Variants in MTRF1 observed in about 807,000 individuals in gnomAD.
The protein encoded by MTRF1 is peptide chain release factor 1, mitochondrial.
In MTRF1, 51 loss-of-function variants were observed where a neutral mutation model predicts 62.9. That is an observed-to-expected ratio of 0.81 (90% confidence interval 0.65 to 1.02). MTRF1 has a LOEUF of 1.02. MTRF1 is among the 50% of genes least tolerant of loss of function. MTRF1 has a pLI of 0.00. For missense variants in MTRF1, 446 were observed against 530.0 expected, an observed-to-expected ratio of 0.84 and a Z score of 1.56; for synonymous variants, 158 against 181.9, an observed-to-expected ratio of 0.87 and a Z score of 1.06.
chr13:41,272,438 G>A, the MTRF1 span, among the ~76,000 whole-genome samples: 305 of 152,304 alleles, frequency 2.0e-3, 2 homozygotes, highest in African/African-American at 7.1e-3. Flanking sequence ...TTTTGCAGCT[G>A]TGAGGAATTT....
At chr13:41,280,075 C>T in the MTRF1 span, among the ~76,000 whole-genome samples, 1 of 152,138 alleles carries the variant, frequency 6.6e-6, no homozygotes. Context: ...GTAGCAGGGA[C>T]TACAGGCGTG....
At chr13:41,232,520 A>C (rs941188360) in intron 7 of MTRF1, among the ~76,000 whole-genome samples, 12 of 152,232 alleles carry the variant, frequency 7.9e-5, no homozygotes, top group Non-Finnish European at 7.3e-5. Context: ...TCAATGTTCT[A>C]AGGGGAAATT....
At chr13:41,284,554 A>G in the MTRF1 span, among the ~76,000 whole-genome samples, 1 of 152,010 alleles carries the variant, frequency 6.6e-6, no homozygotes, top group African/African-American at 2.4e-5. Flanking sequence ...AAAAAAAAAA[A>G]AAAAGGAAAA....
chr13:41,277,947 T>A, the MTRF1 span, among the ~76,000 whole-genome samples: 1 of 152,232 alleles, frequency 6.6e-6, no homozygotes. Flanking sequence ...AGACCAAATG[T>A]ATATTTCACT....
At chr13:41,249,130 TA>T (rs1445429924) in intron 5 of MTRF1, among the ~76,000 whole-genome samples, 17 of 151,886 alleles carry the variant, frequency 1.1e-4, no homozygotes, top group South Asian at 2.1e-4. Flanking sequence ...AATTAAACAT[TA>T]AAAAAAAATT....
chr13:41,301,240 A>G, the MTRF1 span, among the ~76,000 whole-genome samples: 1 of 152,174 alleles, frequency 6.6e-6, no homozygotes, highest in Non-Finnish European at 1.5e-5. Flanking sequence ...AGGGGATAGG[A>G]AACTTTTCCC....
At chr13:41,240,165 A>T in intron 6 of MTRF1, 96 bp downstream of exon 6, 4 of 1,182,422 alleles carry the variant, frequency 3.4e-6, no homozygotes, top group Non-Finnish European at 4.6e-6. Flanking sequence ...TCTGTCTCAA[A>T]AAAAAAAAAA....
chr13:41,229,721 T>C (rs1221221071), intron 7 of MTRF1: 1 of 152,218 alleles, frequency 6.6e-6, no homozygotes, highest in Non-Finnish European at 1.5e-5. Context: ...TATAGAATGA[T>C]ATCCAACAAT....
At chr13:41,289,797 A>T in the MTRF1 span, among the ~76,000 whole-genome samples, 6 of 152,302 alleles carry the variant, frequency 3.9e-5, no homozygotes, top group African/African-American at 1.4e-4. Context: ...ATAGGGCCCA[A>T]TTCTTCTCCA....
chr13:41,263,149 G>A, intron 1 of MTRF1: 1 of 583,678 alleles, frequency 1.7e-6, no homozygotes, highest in East Asian at 6.8e-5. Flanking sequence ...ATGTTTGTAC[G>A]AATACTTATT....
intron 5 of MTRF1, among the ~76,000 whole-genome samples, chr13:41,243,523 C>T (rs533702708): frequency 6.6e-6 from 1 of 152,096 alleles, no homozygotes; most frequent in South Asian, 2.1e-4. Context: ...CTGTGGGACT[C>T]TGGGCTCAGG....
the MTRF1 span, among the ~76,000 whole-genome samples, chr13:41,285,020 G>T: frequency 1.7e-4 from 26 of 152,264 alleles, no homozygotes; most frequent in Non-Finnish European, 3.2e-4. Flanking sequence ...TCATCTCCCT[G>T]AGTAAATAAT....
intron 1 of MTRF1, chr13:41,263,172 A>G (rs1227450505): frequency 1.1e-6 from 1 of 895,184 alleles, no homozygotes; most frequent in African/African-American, 1.7e-5. Context: ...TAAAATTTCC[A>G]TTTTAGGAAC....
chr13:41,271,578 G>A, the MTRF1 span, among the ~76,000 whole-genome samples: 1 of 152,096 alleles, frequency 6.6e-6, no homozygotes, highest in Non-Finnish European at 1.5e-5. Context: ...CTCTCCAGAG[G>A]TCTAAGATCT....
In MTRF1 at chr13:41,259,712, A is replaced by AAAAAAAAACAAAAACAAAAAAAAAC. The variant is rs1555268026; in HGVS notation, c.415+780_415+781insGTTTTTTTTTGTTTTTGTTTTTTTT. Among the ~76,000 whole-genome samples the AAAAAAAAACAAAAACAAAAAAAAAC allele has an allele frequency of 5.7e-3, 785 of 136,644 alleles. 19 individuals carry two copies. The highest frequency in any genetic ancestry group is 0.021 in the African/African-American group (742 of 36,064). The allele number at this position is 136,644 out of a possible 152,430, so 89.6% of individuals were successfully genotyped here. ...GCGAGACTCCGTCTCAAAAAAAAAA[A>AAAAAAAAACAAAAACAAAAAAAAAC]AAAAAAAAACATAAAAATAAAAAAT... On this transcript the variant is annotated intron_variant, in intron 2 of 9. Transcript: ENST00000379480.
chr13:41,221,793 A>G (rs949031777), intron 9 of MTRF1, among the ~76,000 whole-genome samples: 2 of 150,260 alleles, frequency 1.3e-5, no homozygotes, highest in East Asian at 2.0e-4. Flanking sequence ...ATTACTGGTC[A>G]TAAGAATGTG....
intron 7 of MTRF1, among the ~76,000 whole-genome samples, chr13:41,228,130 A>T (rs192824110): frequency 1.3e-5 from 2 of 151,948 alleles, no homozygotes; most frequent in East Asian, 3.9e-4. Context: ...CTTTTAGATC[A>T]AAACTATTAC....
At chr13:41,268,342 CA>C (rs1318460503), upstream of MTRF1, among the ~76,000 whole-genome samples, 3 of 151,602 alleles carry the variant, frequency 2.0e-5, no homozygotes, top group Non-Finnish European at 4.4e-5. Context: ...TTAATTAGAT[CA>C]AAAAAAGACT....
chr13:41,243,134 G>A (rs1593859099), intron 5 of MTRF1, among the ~76,000 whole-genome samples: 1 of 152,106 alleles, frequency 6.6e-6, no homozygotes, highest in South Asian at 2.1e-4. Context: ...CAGAAGAATC[G>A]CTTGAACCTG....
Sources: gnomAD v4.1 joint callset for allele counts (sites outside exome capture counted in the v4.1 genomes callset) on GRCh38, gnomAD v4.1.1 for gene constraint, MANE v1.5 for transcripts, NCBI Gene and HGNC (gene_info 2026-07-23, HGNC 2026-07-21) for gene names.